Variants in ADCY9 observed in about 807,000 individuals in gnomAD.
ADCY9 encodes the protein adenylate cyclase 9, also known as adenylate cyclase type 9.
In ADCY9, 50 loss-of-function variants were observed where a neutral mutation model predicts 101.5. The ratio of observed to expected loss-of-function variants is 0.49; its 90% CI spans 0.39 to 0.62. ADCY9 has a LOEUF of 0.62. Ranked by LOEUF, ADCY9 falls within the 20% of genes least tolerant of loss-of-function variation. ADCY9 has a pLI of 0.00. For missense variants in ADCY9, 1,662 were observed against 1,800.4 expected, an observed-to-expected ratio of 0.92 and a Z score of 1.39; for synonymous variants, 905 against 769.3, an observed-to-expected ratio of 1.18 and a Z score of -2.92.
chr16:4,055,685 T>A (rs1247225913), intron 2 of ADCY9, among the ~76,000 whole-genome samples: 1 of 151,734 alleles, frequency 6.6e-6, no homozygotes, highest in Non-Finnish European at 1.5e-5. Context: ...TACAAAAAAA[T>A]TAGCCAGGCG....
chr16:3,982,333 C>A (rs2056150755), intron 7 of ADCY9: 1 of 152,358 alleles, frequency 6.6e-6, no homozygotes, highest in African/African-American at 2.4e-5. Context: ...AGCAGACGCT[C>A]AAGGTCAGGG....
At chr16:4,112,535 C>T (rs572172292) in intron 2 of ADCY9, among the ~76,000 whole-genome samples, 14 of 152,092 alleles carry the variant, frequency 9.2e-5, no homozygotes, top group Non-Finnish European at 1.8e-4. Flanking sequence ...ACCTCAACCA[C>T]TGGACGTCTC....
chr16:4,038,259 C>T (rs925221721), intron 2 of ADCY9, among the ~76,000 whole-genome samples: 3 of 146,978 alleles, frequency 2.0e-5, no homozygotes, highest in African/African-American at 5.2e-5. Context: ...CCAGCTTGGG[C>T]GACAGAGTAC....
At chr16:4,078,952 C>T (rs1034905) in intron 2 of ADCY9, among the ~76,000 whole-genome samples, 17,898 of 152,148 alleles carry the variant, frequency 0.12, 1,156 homozygotes, top group Middle Eastern at 0.17. Flanking sequence ...GCAAAGACAA[C>T]GGCAAATAAG....
rs754400130 is a variant in ADCY9 at position 3,993,391 on chromosome 16, C to A, written c.1989+15G>T. The stretch of plus-strand genomic sequence containing the variant: ...GGAGAGGAACTGACAGGAACAACAG[C>A]CATGAGCTTGTTACCTTGGTGCTGT... On this transcript the variant is annotated intron_variant, in intron 4 of 10. Transcript: ENST00000294016. 1.1e-5 allele frequency: 17 copies of A among 1,613,078 alleles called. No homozygotes were observed. The East Asian group carries it at 3.8e-4, about 36-fold the overall frequency.
chr16:4,051,550 A>G (rs1194149795), intron 2 of ADCY9, among the ~76,000 whole-genome samples: 1 of 152,106 alleles, frequency 6.6e-6, no homozygotes, highest in Non-Finnish European at 1.5e-5. Context: ...AAGAAGAAGT[A>G]AAGATGTGCT....
intron 3 of ADCY9, among the ~76,000 whole-genome samples, chr16:4,004,930 TC>T (rs2056357261): frequency 6.6e-6 from 1 of 152,178 alleles, no homozygotes; most frequent in African/African-American, 2.4e-5. Context: ...GCATGCTCCT[TC>T]AGGGAACGTT....
chr16:4,043,074 AC>A, intron 2 of ADCY9, among the ~76,000 whole-genome samples: 2 of 152,182 alleles, frequency 1.3e-5, no homozygotes, highest in Admixed American at 1.3e-4. Flanking sequence ...TACTAAAAAT[AC>A]AAAAAATTAG....
intron 2 of ADCY9, among the ~76,000 whole-genome samples, chr16:4,089,133 C>CA (rs2056957755): frequency 1.2e-5 from 1 of 82,038 alleles, no homozygotes; most frequent in African/African-American, 6.4e-5. Context: ...CTCTGTCACC[C>CA]AGGCAATCTC....
chr16:4,115,546 CG>C lies in ADCY9; in HGVS notation c.-43-62del. The stretch of plus-strand genomic sequence containing the variant: ...ACCTAGGCATGCACGCCTAGAGGCC[CG>C]GGACCTGCTCCTGTCCTAAGGGGCG... On this transcript the variant is annotated intron_variant, in intron 1 of 10. Coordinates refer to ENST00000294016, the MANE Select transcript of ADCY9 (RefSeq NM_001116.4). This position sits in a 1 kb window ranked among gnomAD's most constrained non-coding sequence, Gnocchi z 6.2. The C allele has an allele frequency of 3.7e-6, 5 of 1,366,990 alleles. No homozygotes were observed. Among genetic ancestry groups the C allele is most frequent in the Non-Finnish European group, 4.8e-6 (5 of 1,033,616 alleles). The allele number at this position is 1,366,990 out of a possible 1,614,324, so 84.7% of individuals were successfully genotyped here.
chr16:4,003,806 G>GC (rs754709440), intron 3 of ADCY9, among the ~76,000 whole-genome samples: 2 of 151,980 alleles, frequency 1.3e-5, no homozygotes, highest in Admixed American at 1.3e-4. Flanking sequence ...GCCGTGGTCC[G>GC]CCTCCCCTCC....
intron 5 of ADCY9, among the ~76,000 whole-genome samples, chr16:3,991,740 A>ATG (rs2056245253): frequency 1.6e-5 from 2 of 126,860 alleles, no homozygotes; most frequent in African/African-American, 5.9e-5. Context: ...CAGCCTGGGC[A>ATG]ACACAGCAAG....
At chr16:4,080,567 G>T (rs1246161389) in intron 2 of ADCY9, among the ~76,000 whole-genome samples, 1 of 152,074 alleles carries the variant, frequency 6.6e-6, no homozygotes, top group Non-Finnish European at 1.5e-5. Flanking sequence ...CCCAACGGAA[G>T]AAATTTTTCT....
At chr16:4,080,768 C>T (rs573782833) in intron 2 of ADCY9, among the ~76,000 whole-genome samples, 1 of 148,922 alleles carries the variant, frequency 6.7e-6, no homozygotes, top group Non-Finnish European at 1.5e-5. Flanking sequence ...AAACATTCCA[C>T]ATGGCAACCA....
intron 3 of ADCY9, among the ~76,000 whole-genome samples, chr16:4,007,166 T>C (rs2141720223): frequency 6.6e-6 from 1 of 152,112 alleles, no homozygotes; most frequent in South Asian, 2.1e-4. Context: ...GCAATGGAGG[T>C]GCGTCATATG....
At chr16:4,035,239 C>T (rs1448003298) in intron 2 of ADCY9, among the ~76,000 whole-genome samples, 1 of 152,200 alleles carries the variant, frequency 6.6e-6, no homozygotes, top group Non-Finnish European at 1.5e-5. Flanking sequence ...GCTACCACAA[C>T]AGCCCTCACT....
At chr16:4,010,270 G>A (rs2056394974) in intron 2 of ADCY9, among the ~76,000 whole-genome samples, 1 of 152,208 alleles carries the variant, frequency 6.6e-6, no homozygotes. Flanking sequence ...GACTGCAAGA[G>A]AAAGTCAAGA....
At chr16:4,024,373 C>T (rs191350340) in intron 2 of ADCY9, among the ~76,000 whole-genome samples, 31 of 152,296 alleles carry the variant, frequency 2.0e-4, no homozygotes, top group African/African-American at 7.5e-4. Flanking sequence ...AGGAAAGTTA[C>T]ATATACGGTA....
rs1454638576 is a variant in ADCY9 at position 4,114,077 on chromosome 16, C to T, written c.1366G>A (p.Ala456Thr). ...YCVAGCPEPR[A>T]DHAYCCIEMG... ...TCGATGCAGCAGTAGGCATGGTCGG[C>T]CCGGGGCTCGGGACAGCCCGCCACG... Residue 456 changes from alanine to threonine, a missense_variant, in exon 2 of 11, where the codon GCC becomes ACC. Ala to Thr is a moderately conservative substitution (Grantham distance 58). This residue lies in a region of ADCY9 where 228 missense variants were observed against 301.1 expected (regional missense o/e 0.76). Transcript: ENST00000294016. The surrounding 1 kb of genome is among the most constrained non-coding windows in gnomAD (Gnocchi z 4.3). The T allele has an allele frequency of 1.2e-6, 2 of 1,613,824 alleles. No homozygotes were observed. Among genetic ancestry groups the T allele is most frequent in the Non-Finnish European group, 1.7e-6 (2 of 1,180,034 alleles).
Sources: allele counts gnomAD v4.1 joint callset (sites outside exome capture counted in the v4.1 genomes callset), GRCh38; gene constraint gnomAD v4.1.1; regional missense constraint gnomAD v4.1.1; non-coding constraint Gnocchi (gnomAD v3.1); transcripts MANE v1.5; gene names NCBI Gene and HGNC (gene_info 2026-07-23, HGNC 2026-07-21).